The following FAT1 variants were observed in gnomAD, a reference collection of about 807,000 sequenced individuals.
FAT1 encodes protocadherin Fat 1.
FAT1 carries 171 observed loss-of-function variants against 329.8 expected under a neutral mutation model. That is an observed-to-expected ratio of 0.52 (90% CI 0.46 to 0.59). FAT1 has a LOEUF of 0.59. Ranked by LOEUF, FAT1 falls within the 20% of genes least tolerant of loss-of-function variation. The pLI is 0.00. For synonymous variants in FAT1, 2,233 were observed against 2,228.6 expected (o/e 1.00, Z -0.06); for missense variants, 5,672 against 5,774.4 (o/e 0.98, Z 0.57).
intron 2 of FAT1, among the ~76,000 whole-genome samples, chr4:186,701,246 C>G (rs938617665): frequency 2.0e-5 from 3 of 152,186 alleles, no homozygotes; most frequent in African/African-American, 7.2e-5. Context: ...GGACCCTTCC[C>G]CTGGTAGAAA....
intron 3 of FAT1, among the ~76,000 whole-genome samples, chr4:186,645,640 T>C (rs1384045748): frequency 1.3e-5 from 2 of 151,462 alleles, no homozygotes; most frequent in East Asian, 3.9e-4. Flanking sequence ...ACTGTGGTTC[T>C]GTAAAAAATA....
chr4:186,692,308 T>C (rs1743809306), intron 2 of FAT1, among the ~76,000 whole-genome samples: 1 of 147,334 alleles, frequency 6.8e-6, no homozygotes, highest in South Asian at 2.1e-4. Flanking sequence ...TCTTAGGTTA[T>C]TTATTTATTT....
At position 186,633,749 on chromosome 4, in the gene FAT1, C is replaced by T; in HGVS notation, c.4258G>A (p.Glu1420Lys). ...TIIVAKPLDA[E>K]QKSNYNLTVE... is the part of the protein sequence containing the mutation. ...GTGAGGTTGTAGTTTGACTTCTGTTCTGCATCAAGAGGTTTGGCAACAATG... is the reference window on the plus strand; with the variant it reads ...GTGAGGTTGTAGTTTGACTTCTGTTTTGCATCAAGAGGTTTGGCAACAATG... Residue 1420 changes from glutamate to lysine, a missense_variant, in exon 7 of 27, where the codon GAA becomes AAA. Coordinates refer to ENST00000441802, the MANE Select transcript of FAT1 (RefSeq NM_005245.4). 6.2e-7 allele frequency: 1 copy of T among 1,613,910 alleles called. No homozygotes were observed. Among genetic ancestry groups the T allele is most frequent in the Non-Finnish European group, 8.5e-7 (1 of 1,179,878 alleles).
intron 7 of FAT1, among the ~76,000 whole-genome samples, chr4:186,633,301 A>G (rs534053901): frequency 4.9e-4 from 74 of 152,356 alleles, no homozygotes; most frequent in African/African-American, 1.8e-3. Flanking sequence ...TCCAAAAAAA[A>G]GTGATTTAGA....
At chr4:186,593,894 G>A (rs551543794) in intron 26 of FAT1, among the ~76,000 whole-genome samples, 13 of 152,118 alleles carry the variant, frequency 8.5e-5, no homozygotes, top group Non-Finnish European at 1.6e-4. Flanking sequence ...CTGGAAAACC[G>A]GGAATACGAC....
intron 3 of FAT1, among the ~76,000 whole-genome samples, chr4:186,651,716 G>C (rs1741668340): frequency 6.6e-6 from 1 of 152,172 alleles, no homozygotes; most frequent in African/African-American, 2.4e-5. Flanking sequence ...AGATTGCCTT[G>C]CTGGCCACGA....
Position 186,723,814 on chromosome 4 carries a change from C to T in FAT1, c.-169G>A, listed in dbSNP as rs1745587203. ...CGCACGAGCCGCTCCCGCGCCCTCT[C>T]CCCGCGCCCGGCCGCCCAGCTCGGC... is the stretch of plus-strand genomic sequence containing the variant. On this transcript the variant is annotated 5_prime_UTR_variant, in exon 1 of 27. Coordinates refer to ENST00000441802, the MANE Select transcript of FAT1 (RefSeq NM_005245.4). 1.3e-5 allele frequency: 2 copies of T among 150,452 alleles called. No homozygotes were observed. The highest frequency in any genetic ancestry group is 2.1e-4 in the South Asian group (1 of 4,808). The allele number at this position is 150,452 out of a possible 1,614,324, so 9.3% of individuals were successfully genotyped here. A position where few individuals can be genotyped will look rare whatever the true frequency, so the allele number is the denominator to read the frequency against.
chr4:186,599,898 C>A lies in FAT1; in HGVS notation c.12103G>T (p.Gly4035Cys). Residue 4035 changes from glycine to cysteine, a missense_variant and splice_region_variant, in exon 22 of 27, where the codon GGT becomes TGT. Around this residue, in one of 2 missense-constraint regions of FAT1, gnomAD observed 1,706 missense variants for 1,859.1 expected, o/e 0.92. Coordinates refer to ENST00000441802, the MANE Select transcript of FAT1 (RefSeq NM_005245.4). ...GGVCNPSPAG[G>C]YYCKCSALYI... ...AAGATGGCAACATTACGGAGCCCAC[C>A]TCCAGCAGGTGACGGATTGCAAACG... 6.2e-7 allele frequency: 1 copy of A among 1,607,104 alleles called. No homozygotes were observed. The highest frequency in any genetic ancestry group is 8.5e-7 in the Non-Finnish European group (1 of 1,175,502).
intron 2 of FAT1, among the ~76,000 whole-genome samples, chr4:186,685,317 G>C (rs143771425): frequency 5.6e-4 from 86 of 152,334 alleles, no homozygotes; most frequent in African/African-American, 2.1e-3. Flanking sequence ...ATACGGAACC[G>C]TAGAGAACGT....
chr4:186,704,307 A>T (rs1353030190), intron 2 of FAT1, among the ~76,000 whole-genome samples: 5 of 152,048 alleles, frequency 3.3e-5, no homozygotes, highest in Non-Finnish European at 5.9e-5. Flanking sequence ...AAATACCATA[A>T]ATCTATTTTG....
chr4:186,610,047 C>T (rs2126461158), intron 14 of FAT1, 32 bp from the exon 15 acceptor site: 1 of 1,357,978 alleles, frequency 7.4e-7, no homozygotes, highest in Non-Finnish European at 1.0e-6. Flanking sequence ...TTCCAGCATT[C>T]TGCAATGCCA....
chr4:186,661,469 C>G (rs781273439), intron 3 of FAT1, among the ~76,000 whole-genome samples: 65 of 152,160 alleles, frequency 4.3e-4, no homozygotes, highest in Non-Finnish European at 6.5e-4. Flanking sequence ...ATAAAAGGCC[C>G]AAGAAAGCAG....
In FAT1 at chr4:186,618,502, G is replaced by A. The variant is rs2126496036; in HGVS notation, c.8084C>T (p.Pro2695Leu). Residue 2695 changes from proline (P) to leucine (L), a missense_variant, in exon 10 of 27, where the codon CCA becomes CTA. Physicochemically the swap from Pro to Leu is moderately conservative, Grantham distance 98 (BLOSUM62 -3). This residue lies in a region of FAT1 where 3,966 missense variants were observed against 3,915.2 expected (regional missense o/e 1.01). Transcript: ENST00000441802. ...SVVLVYVKIL[P>L]PEMQLPKFSE... ...AAATTTTGGAAGCTGCATTTCCGGT[G>A]GAAGGATTTTAACATAGACAAGAAC... is the stretch of plus-strand genomic sequence containing the variant. 1 of 1,614,018 alleles carries A rather than the reference G, an allele frequency of 6.2e-7. No homozygotes were observed. Among genetic ancestry groups the A allele is most frequent in the Non-Finnish European group, 8.5e-7 (1 of 1,179,900 alleles).
chr4:186,689,771 A>G (rs1262745894), intron 2 of FAT1, among the ~76,000 whole-genome samples: 1 of 152,128 alleles, frequency 6.6e-6, no homozygotes, highest in Non-Finnish European at 1.5e-5. Flanking sequence ...CCTTTCCCAC[A>G]AGGGCATGCA....
intron 24 of FAT1, chr4:186,597,391 G>A (rs1200206875): frequency 6.7e-6 from 4 of 593,618 alleles, no homozygotes. Context: ...GTATATTTGG[G>A]AAGGAAACAT....
intron 2 of FAT1, among the ~76,000 whole-genome samples, chr4:186,691,821 A>G (rs1413096625): frequency 1.3e-5 from 2 of 152,232 alleles, no homozygotes; most frequent in South Asian, 4.2e-4. Context: ...AAACAAAATA[A>G]AATATTAAAA....
chr4:186,657,823 A>C (rs1283998178), intron 3 of FAT1, among the ~76,000 whole-genome samples: 1 of 152,132 alleles, frequency 6.6e-6, no homozygotes, highest in African/African-American at 2.4e-5. Flanking sequence ...TTGCATATCA[A>C]CTCCCCCAAG....
chr4:186,602,843 G>A (rs1450661123), intron 20 of FAT1, 60 bp downstream of exon 20: 9 of 1,537,772 alleles, frequency 5.9e-6, no homozygotes, highest in Non-Finnish European at 7.9e-6. Context: ...GAAGAAAATG[G>A]TAAGAAACAA....
Position 186,619,624 on chromosome 4 carries a change from T to C in FAT1, c.6962A>G (p.Gln2321Arg), listed in dbSNP as rs779637031. 1 of 1,614,016 alleles carries C rather than the reference T, an allele frequency of 6.2e-7. No homozygotes were observed. The highest frequency in any genetic ancestry group is 1.7e-5 in the Admixed American group (1 of 60,030). Residue 2321 changes from glutamine to arginine, a missense_variant, in exon 10 of 27, where the codon CAG becomes CGG. Coordinates refer to ENST00000441802, the MANE Select transcript of FAT1 (RefSeq NM_005245.4). ...ACTCTTGCTGTGATTCCCAAACATC[T>C]GGTATGAGATTCCTCTATTTGGTTC... ...DSEPNRGISY[Q>R]MFGNHSKSHD...
Sources: allele counts gnomAD v4.1 joint callset (sites outside exome capture counted in the v4.1 genomes callset), GRCh38; gene constraint gnomAD v4.1.1; regional missense constraint gnomAD v4.1.1; transcripts MANE v1.5; gene names NCBI Gene and HGNC (gene_info 2026-07-23, HGNC 2026-07-21).